Variants in CACNA1A observed in about 807,000 individuals in gnomAD.
The protein encoded by CACNA1A is voltage-dependent P/Q-type calcium channel subunit alpha-1A.
CACNA1A carries 57 observed loss-of-function variants against 262.4 expected under a neutral mutation model. The observed-to-expected ratio is 0.22, with a 90% CI of 0.18 to 0.27. The LOEUF (loss-of-function observed/expected upper bound fraction) is 0.27. Among genes scored for constraint, CACNA1A ranks in the 10% least tolerant of loss-of-function variants. CACNA1A has a pLI of 1.00. For synonymous variants in CACNA1A, 1,431 were observed against 1,419.3 expected (o/e 1.01, Z -0.18); for missense variants, 2,526 against 3,562.8 (o/e 0.71, Z 7.41).
chr19:13,340,658 C>G lies in CACNA1A; in HGVS notation c.979-4749G>C, dbSNP rs147417901. The stretch of plus-strand genomic sequence containing the variant: ...GCCAGGCTGGTCTCGAACTCCCGAC[C>G]TCAGGCGATCCACTCACCTCGGCCT... On this transcript the variant is annotated intron_variant, in intron 6 of 46. Coordinates refer to ENST00000360228, the MANE Select transcript of CACNA1A (RefSeq NM_001127222.2). Among the ~76,000 whole-genome samples, 703 of 152,208 alleles carry G rather than the reference C, an allele frequency of 4.6e-3. 5 individuals are homozygous for G. The highest frequency in any genetic ancestry group is 0.016 in the African/African-American group (666 of 41,522).
rs141390987 is a variant in CACNA1A at position 13,289,246 on chromosome 19, A to G, written c.3090-2280T>C. The stretch of plus-strand genomic sequence containing the variant: ...AATCGCCACCTCCCAGGCTCAGGCA[A>G]TCCTCCCACCTCAGCCTTCCCAGTA... On this transcript the variant is annotated intron_variant, in intron 19 of 46. Coordinates refer to ENST00000360228, the MANE Select transcript of CACNA1A (RefSeq NM_001127222.2). Among the ~76,000 whole-genome samples the G allele has an allele frequency of 5.1e-3, 770 of 151,676 alleles. 4 individuals are homozygous for G. The highest frequency in any genetic ancestry group is 0.017 in the African/African-American group (694 of 41,294).
At chr19:13,451,457 G>A (rs1328108024) in intron 3 of CACNA1A, 2 of 152,278 alleles carry the variant, frequency 1.3e-5, no homozygotes, top group Admixed American at 1.3e-4. Flanking sequence ...GGGAAGAGGA[G>A]GAACCAGCCA....
At position 13,207,707 on chromosome 19, in the gene CACNA1A, C is replaced by T. The variant is rs1374236989; in HGVS notation, c.7127G>A (p.Arg2376Gln). 4.4e-6 allele frequency: 6 copies of T among 1,361,682 alleles called. No individual in the cohort carries two copies. Among genetic ancestry groups the T allele is most frequent in the South Asian group, 1.7e-5 (1 of 57,880 alleles). 84.3% of individuals were successfully genotyped at this position (1,361,682 alleles called of 1,614,324 possible). A position where few individuals can be genotyped will look rare whatever the true frequency, so the allele number is the denominator to read the frequency against. Residue 2376 changes from arginine (R) to glutamine (Q), a missense_variant, in exon 47 of 47, where the codon CGG becomes CAG. This residue lies in a region of CACNA1A where 929 missense variants were observed against 868.1 expected (regional missense o/e 1.07). Coordinates refer to ENST00000360228, the MANE Select transcript of CACNA1A (RefSeq NM_001127222.2). This position sits in a 1 kb window ranked among gnomAD's most constrained non-coding sequence, Gnocchi z 5.7. ...RMERRVPGPARSESPRACRHG... is the reference protein window; with the variant it reads ...RMERRVPGPAQSESPRACRHG... ...TCGACAGGCCCTGGGGGACTCGCTC[C>T]GGGCCGGGCCTGGGACCCGCCTCTC... is the stretch of plus-strand genomic sequence containing the variant.
At chr19:13,285,014 C>T in intron 21 of CACNA1A, 54 bp downstream of exon 21, 1 of 1,605,336 alleles carries the variant, frequency 6.2e-7, no homozygotes, top group Non-Finnish European at 8.5e-7. Context: ...CTGACTTCCG[C>T]CACCCTGGTG....
chr19:13,315,871 G>T (rs1304161600), intron 11 of CACNA1A: 1 of 152,228 alleles, frequency 6.6e-6, no homozygotes, highest in Non-Finnish European at 1.5e-5. Context: ...GTTTTGAGAA[G>T]TCCTTACTTG....
intron 19 of CACNA1A, among the ~76,000 whole-genome samples, chr19:13,289,268 A>T (rs1340673045): frequency 6.7e-6 from 1 of 149,260 alleles, no homozygotes; most frequent in Non-Finnish European, 1.5e-5. Context: ...CAGCCTTCCC[A>T]GTAGCTGGGA....
At chr19:13,443,745 G>A (rs1376598135) in intron 3 of CACNA1A, among the ~76,000 whole-genome samples, 3 of 152,130 alleles carry the variant, frequency 2.0e-5, no homozygotes, top group Admixed American at 6.5e-5. Context: ...AGGACACTGG[G>A]TTGAATACAG....
intron 34 of CACNA1A, 73 bp from the exon 35 acceptor site, chr19:13,231,933 A>C (rs897447589): frequency 2.0e-6 from 3 of 1,499,082 alleles, no homozygotes; most frequent in Admixed American, 3.8e-5. Flanking sequence ...CAGGAGGTGG[A>C]GCACACACGT....
intron 3 of CACNA1A, among the ~76,000 whole-genome samples, chr19:13,373,794 C>T (rs1473025927): frequency 2.0e-5 from 3 of 152,200 alleles, no homozygotes; most frequent in Admixed American, 6.5e-5. Context: ...TGACCTTTTC[C>T]ACCATCCACA....
At chr19:13,386,503 C>A (rs2059616719) in intron 3 of CACNA1A, among the ~76,000 whole-genome samples, 1 of 151,822 alleles carries the variant, frequency 6.6e-6, no homozygotes, top group Non-Finnish European at 1.5e-5. Flanking sequence ...CTGAGGCAGT[C>A]ATCGGCCGGG....
chr19:13,234,744 G>A (rs1017882762), intron 34 of CACNA1A, 177 bp downstream of exon 34: 2 of 415,466 alleles, frequency 4.8e-6, no homozygotes, highest in Non-Finnish European at 7.9e-6. Flanking sequence ...CCTACCGGAA[G>A]AGAAGGGCAC....
chr19:13,490,684 GAAAGAAAGGAAAGAAAGAAAGAAAGAAA>G (rs1980669650), intron 1 of CACNA1A, among the ~76,000 whole-genome samples: 1 of 95,930 alleles, frequency 1.0e-5, no homozygotes, highest in East Asian at 2.7e-4. Flanking sequence ...GAGAGAGAGA[GAAAGAAAGGAAAGAAAGAAAGAAAGAAA>G]GAAAGAAAGA....
In CACNA1A at chr19:13,415,494, AC is replaced by A. The variant is rs1419572723; in HGVS notation, c.539+37381del. On this transcript the variant is annotated intron_variant, in intron 3 of 46. Coordinates refer to ENST00000360228, the MANE Select transcript of CACNA1A (RefSeq NM_001127222.2). ...GGTGGCTCACACCTGTAATCCCAGC[AC>A]TTTGGGAGGCCGAGGCGGGAGGATC... Among the ~76,000 whole-genome samples, 3 of 151,650 alleles carry A rather than the reference AC, an allele frequency of 2.0e-5. No homozygotes were observed. The East Asian group carries it at 5.8e-4, about 29-fold the overall frequency.
intron 3 of CACNA1A, among the ~76,000 whole-genome samples, chr19:13,414,316 T>G (rs1260293065): frequency 6.6e-6 from 1 of 152,138 alleles, no homozygotes; most frequent in Non-Finnish European, 1.5e-5. Flanking sequence ...GAGGATTGCT[T>G]GAGCCCAAGA....
intron 36 of CACNA1A, chr19:13,229,064 G>T (rs1008913564): frequency 4.7e-5 from 4 of 84,674 alleles, no homozygotes; most frequent in South Asian, 1.1e-4. Flanking sequence ...TACAGGGGTG[G>T]GGGGGGGCTT....
At chr19:13,441,606 G>T (rs894926970) in intron 3 of CACNA1A, among the ~76,000 whole-genome samples, 3 of 151,062 alleles carry the variant, frequency 2.0e-5, no homozygotes, top group African/African-American at 4.9e-5. Context: ...GGAGGCTGCA[G>T]TGAGCCAAGA....
At chr19:13,466,774 T>C (rs2061250427) in intron 1 of CACNA1A, among the ~76,000 whole-genome samples, 1 of 152,106 alleles carries the variant, frequency 6.6e-6, no homozygotes, top group Non-Finnish European at 1.5e-5. Flanking sequence ...ATAAATTCCG[T>C]GATGTGAAAT....
At position 13,308,434 on chromosome 19, in the gene CACNA1A, C is replaced by T. The variant is rs773414013; in HGVS notation, c.1763G>A (p.Arg588His). 2 of 1,565,580 alleles carry T rather than the reference C, an allele frequency of 1.3e-6. No individual in the cohort carries two copies. The highest frequency in any genetic ancestry group is 8.7e-7 in the Non-Finnish European group (1 of 1,150,706). ...GACTTACTTTGTGACTTTGAAAATACGCAATAACCTGAGGGCTCGTAACAC... is the reference window on the plus strand; with the variant it reads ...GACTTACTTTGTGACTTTGAAAATATGCAATAACCTGAGGGCTCGTAACAC... ...ISVLRALRLLRIFKVTKYWAS... is the reference protein window; with the variant it reads ...ISVLRALRLLHIFKVTKYWAS... The change falls in exon 13 of 47, where the codon CGT (arginine) becomes CAT (histidine). Residue 588 changes from arginine to histidine, a missense_variant. Physicochemically the swap from Arg to His is conservative, Grantham distance 29. Around this residue, in one of 17 missense-constraint regions of CACNA1A, gnomAD observed 102 missense variants for 278.9 expected, o/e 0.37. Transcript: ENST00000360228. This position sits in a 1 kb window ranked among gnomAD's most constrained non-coding sequence, Gnocchi z 4.2.
intron 34 of CACNA1A, among the ~76,000 whole-genome samples, chr19:13,233,700 A>G (rs1380674287): frequency 6.6e-6 from 1 of 152,230 alleles, no homozygotes; most frequent in East Asian, 1.9e-4. Flanking sequence ...TATGTTGCCC[A>G]GGCTGGTCTC....
Sources: gnomAD v4.1 joint callset for allele counts (sites outside exome capture counted in the v4.1 genomes callset) on GRCh38, gnomAD v4.1.1 for gene constraint, gnomAD v4.1.1 regional missense constraint, Gnocchi (gnomAD v3.1) non-coding constraint, MANE v1.5 for transcripts, NCBI Gene and HGNC (gene_info 2026-07-23, HGNC 2026-07-21) for gene names.